The following LARGE1 variants were observed in gnomAD, a reference collection of about 807,000 sequenced individuals.
The protein encoded by LARGE1 is xylosyl- and glucuronyltransferase LARGE1.
In LARGE1, 43 loss-of-function variants were observed where a neutral mutation model predicts 87.6. The observed-to-expected ratio is 0.49, with a 90% CI of 0.38 to 0.63. The LOEUF (loss-of-function observed/expected upper bound fraction) is 0.63. Ranked by LOEUF, LARGE1 falls within the 30% of genes least tolerant of loss-of-function variation. The pLI, the probability that LARGE1 is intolerant of heterozygous loss-of-function variation, is 0.00. For synonymous variants in LARGE1, 434 were observed against 394.6 expected (o/e 1.10, Z -1.18); for missense variants, 802 against 1,000.2 (o/e 0.80, Z 2.67).
At chr22:33,132,015 T>A in the LARGE1 span, among the ~76,000 whole-genome samples, 3 of 151,270 alleles carry the variant, frequency 2.0e-5, no homozygotes, top group African/African-American at 7.3e-5. Flanking sequence ...TCAGTCACTA[T>A]CACGAGAACA....
chr22:33,089,824 A>G, the LARGE1 span, among the ~76,000 whole-genome samples: 1 of 152,148 alleles, frequency 6.6e-6, no homozygotes, highest in Non-Finnish European at 1.5e-5. Flanking sequence ...GTAGCCTTAC[A>G]GAAGAACTTC....
At chr22:33,301,314 G>A (rs1934109285) in intron 12 of LARGE1, among the ~76,000 whole-genome samples, 1 of 152,160 alleles carries the variant, frequency 6.6e-6, no homozygotes, top group Non-Finnish European at 1.5e-5. Context: ...ATACTTTGGT[G>A]CCTAGGAATT....
chr22:33,809,159 C>T (rs1005074626), intron 1 of LARGE1, among the ~76,000 whole-genome samples: 3 of 152,048 alleles, frequency 2.0e-5, no homozygotes, highest in Non-Finnish European at 4.4e-5. Flanking sequence ...GTAATCCCAG[C>T]TACTCAGGAG....
At chr22:33,555,753 A>G (rs1311498686) in intron 6 of LARGE1, among the ~76,000 whole-genome samples, 1 of 151,372 alleles carries the variant, frequency 6.6e-6, no homozygotes, top group Non-Finnish European at 1.5e-5. Context: ...ACATGGTGAA[A>G]CCCCATCTCT....
intron 1 of LARGE1, among the ~76,000 whole-genome samples, chr22:33,826,218 T>C (rs193194573): frequency 7.2e-5 from 11 of 152,138 alleles, no homozygotes; most frequent in Non-Finnish European, 1.5e-5. Context: ...GGAAAACACA[T>C]CTATTACTCG....
At chr22:33,817,598 A>G (rs138219295) in intron 1 of LARGE1, among the ~76,000 whole-genome samples, 2 of 152,280 alleles carry the variant, frequency 1.3e-5, no homozygotes, top group African/African-American at 4.8e-5. Flanking sequence ...AGAAGGGACC[A>G]CAGAGAGGTA....
chr22:33,663,145 G>A (rs1272439932), intron 2 of LARGE1, among the ~76,000 whole-genome samples: 2 of 152,126 alleles, frequency 1.3e-5, no homozygotes, highest in Non-Finnish European at 2.9e-5. Flanking sequence ...TATCGAAACC[G>A]ATCAGGGAGA....
At chr22:33,595,750 T>C (rs1321357424) in intron 5 of LARGE1, among the ~76,000 whole-genome samples, 1 of 152,144 alleles carries the variant, frequency 6.6e-6, no homozygotes, top group Non-Finnish European at 1.5e-5. Flanking sequence ...CCAGATTTTG[T>C]CCAAATCTGG....
At chr22:33,332,352 C>T (rs780321752) in intron 10 of LARGE1, among the ~76,000 whole-genome samples, 11 of 152,178 alleles carry the variant, frequency 7.2e-5, no homozygotes, top group South Asian at 4.1e-4. Context: ...CTGTGTAAGA[C>T]GTCCCTTGCT....
chr22:33,374,686 G>A (rs1461290495), intron 9 of LARGE1, among the ~76,000 whole-genome samples: 1 of 152,060 alleles, frequency 6.6e-6, no homozygotes, highest in Non-Finnish European at 1.5e-5. Context: ...CTTATTTTGT[G>A]AACTGCATGC....
Position 33,379,268 on chromosome 22 carries a change from T to TC in LARGE1, c.1131+2650_1131+2651insG, listed in dbSNP as rs370323521. Among the ~76,000 whole-genome samples, 130 of 152,046 alleles carry TC rather than the reference T, an allele frequency of 8.6e-4. 1 individual carries two copies. The highest frequency in any genetic ancestry group is 1.8e-3 in the Admixed American group (28 of 15,272). Reference sequence around the variant, plus strand: ...TTTGCTGAGTGATTTCTTTCTTTTTTTTTTTTTTATTATACTTTAAGTTCT... The same window carrying TC: ...TTTGCTGAGTGATTTCTTTCTTTTTTCTTTTTTTTATTATACTTTAAGTTCT... On this transcript the variant is annotated intron_variant, in intron 9 of 14. Coordinates refer to ENST00000397394, the MANE Select transcript of LARGE1 (RefSeq NM_133642.5).
chr22:33,338,730 A>G (rs1327065405), intron 9 of LARGE1, among the ~76,000 whole-genome samples: 1 of 152,202 alleles, frequency 6.6e-6, no homozygotes, highest in African/African-American at 2.4e-5. Flanking sequence ...TGCCTAGAGT[A>G]TAGAGGGCTG....
At chr22:33,593,081 C>T (rs1401106218) in intron 5 of LARGE1, among the ~76,000 whole-genome samples, 3 of 152,184 alleles carry the variant, frequency 2.0e-5, no homozygotes, top group African/African-American at 7.2e-5. Context: ...CCTTGTGATC[C>T]GCCCACCTCG....
intron 1 of LARGE1, among the ~76,000 whole-genome samples, chr22:33,764,182 T>C (rs771994860): frequency 1.4e-4 from 21 of 151,936 alleles, no homozygotes; most frequent in Admixed American, 7.9e-4. Context: ...TACTCCCACA[T>C]TTCCCCCACA....
At chr22:33,245,438 A>G (rs1227423927) in intron 11 of LARGE1, among the ~76,000 whole-genome samples, 1 of 152,212 alleles carries the variant, frequency 6.6e-6, no homozygotes, top group Non-Finnish European at 1.5e-5. Flanking sequence ...AACTGTTGCC[A>G]AGATATTTGC....
chr22:33,117,029 C>T, the LARGE1 span, among the ~76,000 whole-genome samples: 1 of 152,170 alleles, frequency 6.6e-6, no homozygotes, highest in Admixed American at 6.5e-5. Context: ...CAGGTATCTT[C>T]AGTACTGTGG....
At chr22:33,559,047 T>A (rs904103588) in intron 6 of LARGE1, among the ~76,000 whole-genome samples, 2 of 152,248 alleles carry the variant, frequency 1.3e-5, no homozygotes, top group African/African-American at 2.4e-5. Flanking sequence ...CAGTTTGAGC[T>A]GCTATAACAA....
chr22:33,540,536 A>T (rs533741405), intron 6 of LARGE1, among the ~76,000 whole-genome samples: 1 of 152,348 alleles, frequency 6.6e-6, no homozygotes, highest in South Asian at 2.1e-4. Flanking sequence ...CCTCCCAAAC[A>T]GTACCCTGCC....
chr22:33,749,584 T>C (rs1294298369), intron 2 of LARGE1, among the ~76,000 whole-genome samples: 1 of 152,074 alleles, frequency 6.6e-6, no homozygotes, highest in Non-Finnish European at 1.5e-5. Flanking sequence ...AGTCCTTCTG[T>C]AATTTTCAAA....
Sources: allele counts gnomAD v4.1 joint callset (sites outside exome capture counted in the v4.1 genomes callset), GRCh38; gene constraint gnomAD v4.1.1; transcripts MANE v1.5; gene names NCBI Gene and HGNC (gene_info 2026-07-23, HGNC 2026-07-21).